LGR4: variants seen among roughly 807,000 people sequenced by gnomAD.
LGR4 encodes leucine-rich repeat-containing G protein-coupled receptor 4.
A neutral mutation model predicts 84.8 loss-of-function variants in LGR4; 44 were observed. The observed-to-expected ratio is 0.52, with a 90% CI of 0.41 to 0.67. The LOEUF (loss-of-function observed/expected upper bound fraction) is 0.67. Ranked by LOEUF, LGR4 falls within the 30% of genes least tolerant of loss-of-function variation. The probability of loss-of-function intolerance (pLI) is 0.00; values close to 1 mark genes in which losing one functional copy is unlikely to be tolerated. For synonymous variants in LGR4, 429 were observed against 434.3 expected (o/e 0.99, Z 0.15); for missense variants, 1,032 against 1,131.4 (o/e 0.91, Z 1.26).
At chr11:27,455,843 G>C (rs1864565193) in intron 1 of LGR4, among the ~76,000 whole-genome samples, 1 of 152,134 alleles carries the variant, frequency 6.6e-6, no homozygotes, top group African/African-American at 2.4e-5. Context: ...CATTACTAGT[G>C]GTAATAAGTC....
chr11:27,463,612 C>G (rs1267025874), intron 1 of LGR4, among the ~76,000 whole-genome samples: 1 of 152,058 alleles, frequency 6.6e-6, no homozygotes, highest in South Asian at 2.1e-4. Flanking sequence ...ATGGTGAAAC[C>G]CCGTCTCTAC....
At chr11:27,463,895 C>T (rs921035584) in intron 1 of LGR4, among the ~76,000 whole-genome samples, 8 of 152,170 alleles carry the variant, frequency 5.3e-5, no homozygotes, top group Admixed American at 6.5e-5. Flanking sequence ...AAGAATTCCG[C>T]GTACACTTCA....
At chr11:27,460,356 TAA>T (rs148952357) in intron 1 of LGR4, among the ~76,000 whole-genome samples, 2,769 of 152,254 alleles carry the variant, frequency 0.018, 80 homozygotes, top group African/African-American at 0.064. Flanking sequence ...GACAAGAAGA[TAA>T]ACATAAAGGC....
chr11:27,395,388 T>C (rs1378914193), intron 2 of LGR4, among the ~76,000 whole-genome samples: 1 of 152,056 alleles, frequency 6.6e-6, no homozygotes, highest in African/African-American at 2.4e-5. Context: ...AGTAACAAAG[T>C]GGCAAAATGC....
At chr11:27,457,910 T>A (rs1179412083) in intron 1 of LGR4, among the ~76,000 whole-genome samples, 4 of 152,082 alleles carry the variant, frequency 2.6e-5, no homozygotes, top group Admixed American at 2.6e-4. Flanking sequence ...GAGGATCATT[T>A]GAGGCCAGAA....
chr11:27,465,358 A>C (rs1565102511), intron 1 of LGR4, among the ~76,000 whole-genome samples: 1 of 152,206 alleles, frequency 6.6e-6, no homozygotes, highest in Non-Finnish European at 1.5e-5. Flanking sequence ...TGGTTGGGGG[A>C]AGACCAGGCT....
At chr11:27,380,220 A>G in intron 10 of LGR4, 51 bp downstream of exon 10, 1 of 1,143,100 alleles carries the variant, frequency 8.7e-7, no homozygotes, top group Non-Finnish European at 1.3e-6. Context: ...CCCTGCTAGC[A>G]GTCCAGTAGT....
intron 16 of LGR4, 25 bp from the exon 17 acceptor site, chr11:27,371,723 T>C (rs373445664): frequency 2.8e-5 from 44 of 1,554,282 alleles, no homozygotes; most frequent in Non-Finnish European, 3.7e-5. Context: ...CAAAGCATGT[T>C]TAATTAAAAC....
At chr11:27,415,093 A>G (rs555648078) in intron 1 of LGR4, among the ~76,000 whole-genome samples, 2 of 152,174 alleles carry the variant, frequency 1.3e-5, no homozygotes, top group Non-Finnish European at 2.9e-5. Flanking sequence ...TAACCAATAA[A>G]ATCATTCTCA....
chr11:27,437,660 A>AGTGTGTGT (rs10659033), intron 1 of LGR4, among the ~76,000 whole-genome samples: 13,169 of 139,950 alleles, frequency 0.094, 686 homozygotes, highest in South Asian at 0.19. Context: ...TTAAAGGACT[A>AGTGTGTGT]GTGTGTGTGT....
At chr11:27,431,736 A>G (rs1009670370) in intron 1 of LGR4, among the ~76,000 whole-genome samples, 4 of 152,212 alleles carry the variant, frequency 2.6e-5, no homozygotes, top group African/African-American at 9.6e-5. Context: ...GTGTAAGATG[A>G]CCAATCTTCA....
chr11:27,410,249 G>C (rs78225219), intron 2 of LGR4, among the ~76,000 whole-genome samples: 4,558 of 152,220 alleles, frequency 0.03, 207 homozygotes, highest in African/African-American at 0.1. Context: ...ACCTGGCATA[G>C]AGTAGGATTC....
rs757474657 is a variant in LGR4, at chr11:27,366,745, G to T, written c.*1122C>A. 2.0e-5 allele frequency: 3 copies of T among 152,112 alleles called. No individual in the cohort carries two copies. Among genetic ancestry groups the T allele is most frequent in the African/African-American group, 4.8e-5 (2 of 41,344 alleles). 9.4% of individuals were successfully genotyped at this position (152,112 alleles called of 1,614,324 possible). On this transcript the variant is annotated 3_prime_UTR_variant, in exon 18 of 18. Coordinates refer to ENST00000379214, the MANE Select transcript of LGR4 (RefSeq NM_018490.5). ...ATTTTTATTAATAACATATTATCTT[G>T]TTTAACCAGAGTTCAACCTCTGAGC...
chr11:27,413,213 C>T (rs985650973), intron 1 of LGR4, among the ~76,000 whole-genome samples: 1 of 152,020 alleles, frequency 6.6e-6, no homozygotes, highest in Non-Finnish European at 1.5e-5. Context: ...CAAATGAATA[C>T]CCTAGGAACG....
intron 6 of LGR4, among the ~76,000 whole-genome samples, chr11:27,383,740 G>A (rs75588139): frequency 0.046 from 6,974 of 152,088 alleles, 253 homozygotes; most frequent in Non-Finnish European, 0.062. Context: ...GGCAATAAAG[G>A]CAACTAATAT....
At position 27,376,374 on chromosome 11, in the gene LGR4, A is replaced by C. The variant is rs1218831695; in HGVS notation, c.1110-4T>G. The C allele has an allele frequency of 6.8e-7, 1 of 1,477,198 alleles. No individual in the cohort carries two copies. The highest frequency in any genetic ancestry group is 1.2e-5 in the South Asian group (1 of 80,960). The allele number at this position is 1,477,198 out of a possible 1,614,324, so 91.5% of individuals were successfully genotyped here. On this transcript the variant is annotated splice_polypyrimidine_tract_variant and splice_region_variant and intron_variant, in intron 12 of 17. Coordinates refer to ENST00000379214, the MANE Select transcript of LGR4 (RefSeq NM_018490.5). ...GATTTGATTACGCTGTAAAGAACTAAATAAAAAAAGAAGAAGAAAGAAGAC... is the reference window on the plus strand; with the variant it reads ...GATTTGATTACGCTGTAAAGAACTACATAAAAAAAGAAGAAGAAAGAAGAC...
intron 2 of LGR4, among the ~76,000 whole-genome samples, chr11:27,397,972 C>T (rs1863421523): frequency 6.6e-6 from 1 of 152,206 alleles, no homozygotes. Context: ...CGCTTTCCCA[C>T]TGGATTTGGA....
At chr11:27,373,917 A>C in intron 14 of LGR4, 58 bp downstream of exon 14, 1 of 1,198,630 alleles carries the variant, frequency 8.3e-7, no homozygotes, top group South Asian at 1.2e-5. Flanking sequence ...GTTAAAACAG[A>C]TGTTTCTATA....
intron 1 of LGR4, among the ~76,000 whole-genome samples, chr11:27,448,193 G>A (rs1337259151): frequency 2.6e-5 from 4 of 152,088 alleles, no homozygotes; most frequent in African/African-American, 9.7e-5. Flanking sequence ...CTTAAATGTG[G>A]CAATCTAGTA....
Sources: gnomAD v4.1 joint callset for allele counts (sites outside exome capture counted in the v4.1 genomes callset) on GRCh38, gnomAD v4.1.1 for gene constraint, MANE v1.5 for transcripts, NCBI Gene and HGNC (gene_info 2026-07-23, HGNC 2026-07-21) for gene names.